Variants in EPOP observed in about 807,000 individuals in gnomAD.
The protein encoded by EPOP is elongin BC and Polycomb repressive complex 2-associated protein.
Under a neutral mutation model 18.2 loss-of-function variants are expected in EPOP, and 14 were observed. That is an observed-to-expected ratio of 0.77 (90% CI 0.51 to 1.20). The LOEUF (loss-of-function observed/expected upper bound fraction) is 1.20. EPOP is among the 50% of genes most tolerant of loss of function. The pLI is 0.00. For synonymous variants in EPOP, 252 were observed against 274.9 expected, an observed-to-expected ratio of 0.92 and a Z score of 0.83; for missense variants, 527 against 577.2, an observed-to-expected ratio of 0.91 and a Z score of 0.89.
chr17:38,673,634 G>A lies in EPOP; in HGVS notation c.862C>T (p.Arg288Cys). 6.6e-7 allele frequency: 1 copy of A among 1,521,672 alleles called. No individual in the cohort carries two copies. The allele number at this position is 1,521,672 out of a possible 1,614,324, so 94.3% of individuals were successfully genotyped here. ...KGPARGAAKKRRLPAPPPRTA... is the reference protein window; with the variant it reads ...KGPARGAAKKCRLPAPPPRTA... ...CGCGGAGGGGGCGCCGGCAGCCGGC[G>A]TTTCTTGGCGGCTCCCCGAGCCGGC... The change falls in exon 1 of 1, where the codon CGC becomes TGC. Residue 288 changes from arginine to cysteine, a missense_variant. Arg to Cys is a radical substitution (Grantham distance 180). Transcript: ENST00000621654.
chr17:38,673,851 G>T lies in EPOP; in HGVS notation c.645C>A (p.Pro215=), dbSNP rs1238335225. 4 of 1,478,122 alleles carry T rather than the reference G, an allele frequency of 2.7e-6. No homozygotes were observed. The East Asian group carries it at 1.2e-4, about 44-fold the overall frequency. 91.6% of individuals were successfully genotyped at this position (1,478,122 alleles called of 1,614,324 possible). ...CTGGAGCCTCGGGGGCGGCCGGCGG[G>T]GGGTTTCCATCGACTTCGGCAGGCT... ...PGQPAEVDGN[P]PPAAPEAPAA... Residue 215 remains proline, a synonymous_variant, in exon 1 of 1, where the codon CCC becomes CCA. Transcript: ENST00000621654.
At position 38,674,089 on chromosome 17, in the gene EPOP, G is replaced by A; in HGVS notation, c.407C>T (p.Pro136Leu). The change falls in exon 1 of 1, where the codon CCT becomes CTT. Residue 136 changes from proline to leucine, a missense_variant. Coordinates refer to ENST00000621654, the MANE Select transcript of EPOP (RefSeq NM_001130677.2). This position sits in a 1 kb window ranked among gnomAD's most constrained non-coding sequence, Gnocchi z 4.5. ...CGGGGGCGCAGGGCAGCGGCCCGGAGGTGCACAGGAGCGAACGCCGAAGTG... is the reference window on the plus strand; with the variant it reads ...CGGGGGCGCAGGGCAGCGGCCCGGAAGTGCACAGGAGCGAACGCCGAAGTG... Reference protein sequence around the residue: ...FPHFGVRSCAPPGRCPAPPHP... With the variant: ...FPHFGVRSCALPGRCPAPPHP... The A allele has an allele frequency of 3.5e-6, 5 of 1,433,574 alleles. No homozygotes were observed. Among genetic ancestry groups the A allele is most frequent in the Non-Finnish European group, 4.5e-6 (5 of 1,102,668 alleles). 88.8% of individuals were successfully genotyped at this position (1,433,574 alleles called of 1,614,324 possible).
Position 38,674,059 on chromosome 17 carries a change from G to A in EPOP, c.437C>T (p.Pro146Leu). Reference sequence around the variant, plus strand: ...GGCGAAGCTGGTCGTAGATTCCCGAGGGTGCGGGGGCGCAGGGCAGCGGCC... The same window carrying A: ...GGCGAAGCTGGTCGTAGATTCCCGAAGGTGCGGGGGCGCAGGGCAGCGGCC... Reference protein sequence around the residue: ...PPGRCPAPPHPRESTTSFASA... With the variant: ...PPGRCPAPPHLRESTTSFASA... Residue 146 changes from proline (P) to leucine (L), a missense_variant, in exon 1 of 1, where the codon CCT becomes CTT. Physicochemically the swap from Pro to Leu is moderately conservative, Grantham distance 98. Transcript: ENST00000621654. The surrounding 1 kb of genome is among the most constrained non-coding windows in gnomAD (Gnocchi z 4.5). 1 of 1,396,326 alleles carries A rather than the reference G, an allele frequency of 7.2e-7. No individual in the cohort carries two copies. Among genetic ancestry groups the A allele is most frequent in the Non-Finnish European group, 9.2e-7 (1 of 1,084,866 alleles). The allele number at this position is 1,396,326 out of a possible 1,614,324, so 86.5% of individuals were successfully genotyped here.
In EPOP at chr17:38,674,270, G is replaced by C; in HGVS notation, c.226C>G (p.Pro76Ala). 3 of 1,464,194 alleles carry C rather than the reference G, an allele frequency of 2.0e-6. No homozygotes were observed. The highest frequency in any genetic ancestry group is 2.7e-6 in the Non-Finnish European group (3 of 1,117,990). 90.7% of individuals were successfully genotyped at this position (1,464,194 alleles called of 1,614,324 possible). The change falls in exon 1 of 1, where the codon CCC becomes GCC. Residue 76 changes from proline (P) to alanine (A), a missense_variant. By Grantham distance (27) the Pro-to-Ala change is conservative. Transcript: ENST00000621654. The surrounding 1 kb of genome is among the most constrained non-coding windows in gnomAD (Gnocchi z 4.5). ...GGGGCCCAGCCGCCAGGGCGCAGGGGGGCCTGAGGGCCCCGCAGCACTGGG... is the reference window on the plus strand; with the variant it reads ...GGGGCCCAGCCGCCAGGGCGCAGGGCGGCCTGAGGGCCCCGCAGCACTGGG... ...RSPVLRGPQA[P>A]LRPGGWAPDG...
At position 38,674,028 on chromosome 17, in the gene EPOP, G is replaced by A; in HGVS notation, c.468C>T (p.Ala156=). The stretch of plus-strand genomic sequence containing the variant: ...CGAGACCCGGGGCCGGGCGAGGCGG[G>A]GCCGAGGCGAAGCTGGTCGTAGATT... ...PRESTTSFAS[A]PPRPAPGLEP... The change falls in exon 1 of 1, where the codon GCC becomes GCT. Residue 156 remains alanine (A), a synonymous_variant. Coordinates refer to ENST00000621654, the MANE Select transcript of EPOP (RefSeq NM_001130677.2). This position sits in a 1 kb window ranked among gnomAD's most constrained non-coding sequence, Gnocchi z 4.5. 1 of 1,389,050 alleles carries A rather than the reference G, an allele frequency of 7.2e-7. No homozygotes were observed. Among genetic ancestry groups the A allele is most frequent in the Non-Finnish European group, 9.2e-7 (1 of 1,082,352 alleles). The allele number at this position is 1,389,050 out of a possible 1,614,324, so 86.0% of individuals were successfully genotyped here.
Position 38,674,920 on chromosome 17 carries a change from T to G in EPOP, c.-425A>C. The G allele has an allele frequency of 3.1e-5, 5 of 160,186 alleles. No homozygotes were observed. Among genetic ancestry groups the G allele is most frequent in the Non-Finnish European group, 5.7e-5 (4 of 70,048 alleles). 9.9% of individuals were successfully genotyped at this position (160,186 alleles called of 1,614,324 possible). ...GCCTTCCGCCCGCTCGGTTTCTTTCTTCCCCGCTGGCTCCCGGAGACCGCG... is the reference window on the plus strand; with the variant it reads ...GCCTTCCGCCCGCTCGGTTTCTTTCGTCCCCGCTGGCTCCCGGAGACCGCG... On this transcript the variant is annotated 5_prime_UTR_variant, in exon 1 of 1. Transcript: ENST00000621654. This position sits in a 1 kb window ranked among gnomAD's most constrained non-coding sequence, Gnocchi z 4.5.
chr17:38,674,128 C>T lies in EPOP; in HGVS notation c.368G>A (p.Gly123Glu). Residue 123 changes from glycine (G) to glutamate (E), a missense_variant, in exon 1 of 1, where the codon GGA becomes GAA. Gly to Glu is a moderately conservative substitution (Grantham distance 98, BLOSUM62 -2). Transcript: ENST00000621654. This position sits in a 1 kb window ranked among gnomAD's most constrained non-coding sequence, Gnocchi z 4.5. ...CPRRGEEEEG[G>E]GGFPHFGVRS... is the part of the protein sequence containing the mutation. ...AACGCCGAAGTGCGGGAAACCGCCT[C>T]CGCCCTCTTCCTCCTCTCCGCGGCG... 2.1e-6 allele frequency: 3 copies of T among 1,453,334 alleles called. No homozygotes were observed. The highest frequency in any genetic ancestry group is 1.8e-6 in the Non-Finnish European group (2 of 1,112,572). 90.0% of individuals were successfully genotyped at this position (1,453,334 alleles called of 1,614,324 possible).
rs1389669171 is a variant in EPOP, at chr17:38,673,686, C to G, written c.810G>C (p.Arg270=). 7 of 1,532,498 alleles carry G rather than the reference C, an allele frequency of 4.6e-6. No individual in the cohort carries two copies. The highest frequency in any genetic ancestry group is 6.1e-6 in the Non-Finnish European group (7 of 1,139,984). The allele number at this position is 1,532,498 out of a possible 1,614,324, so 94.9% of individuals were successfully genotyped here. A position where few individuals can be genotyped will look rare whatever the true frequency, so the allele number is the denominator to read the frequency against. The change falls in exon 1 of 1, where the codon CGG becomes CGC. Residue 270 remains arginine, a synonymous_variant. Transcript: ENST00000621654. ...CTTTCGCAGGCGGCCGCTCTGGCCC[C>G]CGGCGCAAACTCGGAGTGTCCAAGG... The part of the protein sequence containing the change: ...GFALDTPSLR[R]GPERPPAKGP...
At position 38,673,491 on chromosome 17, in the gene EPOP, C is replaced by G; in HGVS notation, c.1005G>C (p.Pro335=). 6.5e-7 allele frequency: 1 copy of G among 1,535,112 alleles called. No homozygotes were observed. Among genetic ancestry groups the G allele is most frequent in the Non-Finnish European group, 8.8e-7 (1 of 1,141,042 alleles). ...CTCCCTGGAGGCGAAGCGAGGATGC[C>G]GGCTTTAGGTCTCCGTCTTCCCCCA... ...LVVGEDGDLK[P]ASSLRLQGDS... The change falls in exon 1 of 1, where the codon CCG becomes CCC. Residue 335 remains proline (P), a synonymous_variant. Coordinates refer to ENST00000621654, the MANE Select transcript of EPOP (RefSeq NM_001130677.2).
At position 38,673,850 on chromosome 17, in the gene EPOP, G is replaced by T. The variant is rs537975735; in HGVS notation, c.646C>A (p.Pro216Thr). The T allele has an allele frequency of 6.8e-7, 1 of 1,478,784 alleles. No homozygotes were observed. Among genetic ancestry groups the T allele is most frequent in the South Asian group, 1.3e-5 (1 of 76,396 alleles). 91.6% of individuals were successfully genotyped at this position (1,478,784 alleles called of 1,614,324 possible). The change falls in exon 1 of 1, where the codon CCG becomes ACG. Residue 216 changes from proline (P) to threonine (T), a missense_variant. By Grantham distance (38) the Pro-to-Thr change is conservative. Transcript: ENST00000621654. ...GQPAEVDGNP[P>T]PAAPEAPAAS... is the part of the protein sequence containing the mutation. Reference sequence around the variant, plus strand: ...GCTGGAGCCTCGGGGGCGGCCGGCGGGGGGTTTCCATCGACTTCGGCAGGC... The same window carrying T: ...GCTGGAGCCTCGGGGGCGGCCGGCGTGGGGTTTCCATCGACTTCGGCAGGC...
Position 38,674,032 on chromosome 17 carries a change from G to T in EPOP, c.464C>A (p.Ser155Ter). 1 of 1,385,728 alleles carries T rather than the reference G, an allele frequency of 7.2e-7. No homozygotes were observed. The highest frequency in any genetic ancestry group is 9.3e-7 in the Non-Finnish European group (1 of 1,080,218). 85.8% of individuals were successfully genotyped at this position (1,385,728 alleles called of 1,614,324 possible). A position where few individuals can be genotyped will look rare whatever the true frequency, so the allele number is the denominator to read the frequency against. Residue 155 changes from serine (S) to a stop codon, truncating the protein, a stop_gained, in exon 1 of 1, where the codon TCG (serine) becomes TAG (stop). Coordinates refer to ENST00000621654, the MANE Select transcript of EPOP (RefSeq NM_001130677.2). LOFTEE classifies it high-confidence loss of function. This position sits in a 1 kb window ranked among gnomAD's most constrained non-coding sequence, Gnocchi z 4.5. ...HPRESTTSFA[S>*]APPRPAPGLE... ...ACCCGGGGCCGGGCGAGGCGGGGCC[G>T]AGGCGAAGCTGGTCGTAGATTCCCG... is the stretch of plus-strand genomic sequence containing the variant.
Position 38,674,161 on chromosome 17 carries a change from G to T in EPOP, c.335C>A (p.Ala112Glu). ...TAAGEDADVA[A>E]CPRRGEEEEG... is the part of the protein sequence containing the mutation. ...TTCCTCCTCTCCGCGGCGGGGGCACGCTGCGACGTCCGCATCCTCGCCGGC... is the reference window on the plus strand; with the variant it reads ...TTCCTCCTCTCCGCGGCGGGGGCACTCTGCGACGTCCGCATCCTCGCCGGC... The change falls in exon 1 of 1, where the codon GCG (alanine) becomes GAG (glutamate). Residue 112 changes from alanine to glutamate, a missense_variant. Coordinates refer to ENST00000621654, the MANE Select transcript of EPOP (RefSeq NM_001130677.2). This position sits in a 1 kb window ranked among gnomAD's most constrained non-coding sequence, Gnocchi z 4.5. The T allele has an allele frequency of 7.0e-7, 1 of 1,431,738 alleles. No homozygotes were observed. The highest frequency in any genetic ancestry group is 9.1e-7 in the Non-Finnish European group (1 of 1,104,346). 88.7% of individuals were successfully genotyped at this position (1,431,738 alleles called of 1,614,324 possible).
Position 38,674,100 on chromosome 17 carries a change from G to A in EPOP, c.396C>T (p.Arg132=). 2 of 1,450,108 alleles carry A rather than the reference G, an allele frequency of 1.4e-6. No homozygotes were observed. The highest frequency in any genetic ancestry group is 2.8e-5 in the Admixed American group (1 of 35,540). 89.8% of individuals were successfully genotyped at this position (1,450,108 alleles called of 1,614,324 possible). ...GGGGFPHFGV[R]SCAPPGRCPA... is the part of the protein sequence containing the mutation. ...GGCAGCGGCCCGGAGGTGCACAGGA[G>A]CGAACGCCGAAGTGCGGGAAACCGC... Residue 132 remains arginine (R), a synonymous_variant, in exon 1 of 1, where the codon CGC becomes CGT. Transcript: ENST00000621654. This position sits in a 1 kb window ranked among gnomAD's most constrained non-coding sequence, Gnocchi z 4.5.
chr17:38,674,719 T>A lies in EPOP; in HGVS notation c.-224A>T, dbSNP rs1911070117. ...GGCCGGACTCCTGGGTCCCTGTGAG[T>A]CCCGGCGGGGTCGGCCGCCCTTCTG... is the stretch of plus-strand genomic sequence containing the variant. On this transcript the variant is annotated 5_prime_UTR_variant, in exon 1 of 1. Coordinates refer to ENST00000621654, the MANE Select transcript of EPOP (RefSeq NM_001130677.2). This position sits in a 1 kb window ranked among gnomAD's most constrained non-coding sequence, Gnocchi z 4.5. 1 of 391,992 alleles carries A rather than the reference T, an allele frequency of 2.6e-6. No homozygotes were observed. Among genetic ancestry groups the A allele is most frequent in the Non-Finnish European group, 4.5e-6 (1 of 224,260 alleles). The allele number at this position is 391,992 out of a possible 1,614,324, so 24.3% of individuals were successfully genotyped here. A position where few individuals can be genotyped will look rare whatever the true frequency, so the allele number is the denominator to read the frequency against.
rs1911052764 is a variant in EPOP at position 38,674,290 on chromosome 17, A to C, written c.206T>G (p.Val69Gly). ...CAGGGGGGCCTGAGGGCCCCGCAGC[A>C]CTGGGGACCGCGCCGCCAGCTCCCC... ...GPGELAARSP[V>G]LRGPQAPLRP... Residue 69 changes from valine (V) to glycine (G), a missense_variant, in exon 1 of 1, where the codon GTG (valine) becomes GGG (glycine). By Grantham distance (109) the Val-to-Gly change is moderately radical (BLOSUM62 -3). Transcript: ENST00000621654. This position sits in a 1 kb window ranked among gnomAD's most constrained non-coding sequence, Gnocchi z 4.5. The C allele has an allele frequency of 1.3e-6, 2 of 1,518,478 alleles. No individual in the cohort carries two copies. The highest frequency in any genetic ancestry group is 5.0e-5 in the East Asian group (2 of 39,632). 94.1% of individuals were successfully genotyped at this position (1,518,478 alleles called of 1,614,324 possible).
At position 38,674,641 on chromosome 17, in the gene EPOP, G is replaced by A. The variant is rs916852372; in HGVS notation, c.-146C>T. On this transcript the variant is annotated 5_prime_UTR_variant, in exon 1 of 1. Transcript: ENST00000621654. This position sits in a 1 kb window ranked among gnomAD's most constrained non-coding sequence, Gnocchi z 4.5. ...CACGGGCGCCCCCGGCCCGCCACCC[G>A]GGGCCGCAGAGCTCGGGCTCCCTCT... is the stretch of plus-strand genomic sequence containing the variant. The A allele has an allele frequency of 2.6e-5, 20 of 770,592 alleles. No individual in the cohort carries two copies. In the African/African-American group the frequency reaches 3.2e-4, roughly 12 times the overall value. The allele number at this position is 770,592 out of a possible 1,614,324, so 47.7% of individuals were successfully genotyped here. A position where few individuals can be genotyped will look rare whatever the true frequency, so the allele number is the denominator to read the frequency against.
At position 38,673,564 on chromosome 17, in the gene EPOP, C is replaced by T; in HGVS notation, c.932G>A (p.Ser311Asn). ...RRPAPTLPTT[S>N]TFSLLNCFPC... ...GAAGCAGTTGAGGAGGCTGAAGGTGCTCGTGGTGGGGAGCGTCGGTGCAGG... is the reference window on the plus strand; with the variant it reads ...GAAGCAGTTGAGGAGGCTGAAGGTGTTCGTGGTGGGGAGCGTCGGTGCAGG... The change falls in exon 1 of 1, where the codon AGC becomes AAC. Residue 311 changes from serine to asparagine, a missense_variant. Transcript: ENST00000621654. 2.7e-6 allele frequency: 4 copies of T among 1,481,332 alleles called. No individual in the cohort carries two copies. Among genetic ancestry groups the T allele is most frequent in the South Asian group, 1.4e-5 (1 of 73,542 alleles). The allele number at this position is 1,481,332 out of a possible 1,614,324, so 91.8% of individuals were successfully genotyped here.
rs1567910209 is a variant in EPOP, at chr17:38,673,012, C to T, written c.*344G>A. ...ATCACCGAGGTCTCTCTCTTCTCCC[C>T]TTTTTTTTGGGTGGGGGGGTGTCTT... On this transcript the variant is annotated 3_prime_UTR_variant, in exon 1 of 1. Coordinates refer to ENST00000621654, the MANE Select transcript of EPOP (RefSeq NM_001130677.2). The T allele has an allele frequency of 1.2e-5, 3 of 256,154 alleles. No individual in the cohort carries two copies. The highest frequency in any genetic ancestry group is 2.2e-5 in the Non-Finnish European group (3 of 136,656). The allele number at this position is 256,154 out of a possible 1,614,324, so 15.9% of individuals were successfully genotyped here. A position where few individuals can be genotyped will look rare whatever the true frequency, so the allele number is the denominator to read the frequency against.
At position 38,672,024 on chromosome 17, in the gene EPOP, CCTCT is replaced by C. The variant is rs887485862; in HGVS notation, c.*1328_*1331del. Reference sequence around the variant, plus strand: ...GGGTGGAGGAGAAAGCACTTCCAATCCTCTCTGACTCAAGATCCTCCTAGCTGGA... The same window carrying C: ...GGGTGGAGGAGAAAGCACTTCCAATCCTGACTCAAGATCCTCCTAGCTGGA... On this transcript the variant is annotated 3_prime_UTR_variant, in exon 1 of 1. Coordinates refer to ENST00000621654, the MANE Select transcript of EPOP (RefSeq NM_001130677.2). 3 of 152,352 alleles carry C rather than the reference CCTCT, an allele frequency of 2.0e-5. No homozygotes were observed. The highest frequency in any genetic ancestry group is 2.9e-5 in the Non-Finnish European group (2 of 68,182). 9.4% of individuals were successfully genotyped at this position (152,352 alleles called of 1,614,324 possible). A position where few individuals can be genotyped will look rare whatever the true frequency, so the allele number is the denominator to read the frequency against.
Sources: allele counts gnomAD v4.1 joint callset, GRCh38; gene constraint gnomAD v4.1.1; non-coding constraint Gnocchi (gnomAD v3.1); transcripts MANE v1.5; gene names NCBI Gene and HGNC (gene_info 2026-07-23, HGNC 2026-07-21).